The following AOPEP variants were observed in gnomAD, a reference collection of about 807,000 sequenced individuals.
The protein encoded by AOPEP is aminopeptidase O (putative).
AOPEP carries 77 observed loss-of-function variants against 98.1 expected under a neutral mutation model. That is an observed-to-expected ratio of 0.78 (90% CI 0.65 to 0.95). The LOEUF is 0.95. Ranked by LOEUF, AOPEP falls within the 40% of genes least tolerant of loss-of-function variation. The pLI, the probability that AOPEP is intolerant of heterozygous loss-of-function variation, is 0.00. For synonymous variants in AOPEP, 346 were observed against 365.3 expected (o/e 0.95, Z 0.60); for missense variants, 1,024 against 1,024.7 (o/e 1.00, Z 0.01).
intron 5 of AOPEP, among the ~76,000 whole-genome samples, chr9:94,825,325 C>T (rs555196193): frequency 1.3e-5 from 2 of 152,220 alleles, no homozygotes; most frequent in African/African-American, 2.4e-5. Flanking sequence ...TCTTTACTTA[C>T]GAAGGCTGGG....
chr9:95,047,654 C>T (rs1225007784), intron 13 of AOPEP, among the ~76,000 whole-genome samples: 3 of 152,282 alleles, frequency 2.0e-5, no homozygotes, highest in Non-Finnish European at 1.5e-5. Flanking sequence ...ATACCTACCT[C>T]TCACTTATTC....
At chr9:94,730,300 A>G (rs1255911937) in intron 1 of AOPEP, among the ~76,000 whole-genome samples, 3 of 151,898 alleles carry the variant, frequency 2.0e-5, no homozygotes, top group African/African-American at 7.3e-5. Flanking sequence ...AAAAAAAAAA[A>G]AAGTCAAGAA....
At chr9:94,803,860 T>C (rs1848687120) in intron 5 of AOPEP, among the ~76,000 whole-genome samples, 1 of 152,174 alleles carries the variant, frequency 6.6e-6, no homozygotes, top group East Asian at 1.9e-4. Flanking sequence ...AGTGGGTGTG[T>C]GTGGGCTTTC....
At chr9:94,970,795 A>G (rs1238126669) in intron 10 of AOPEP, among the ~76,000 whole-genome samples, 1 of 151,932 alleles carries the variant, frequency 6.6e-6, no homozygotes, top group Non-Finnish European at 1.5e-5. Context: ...CCTGCAGGAT[A>G]TATTTTTTCC....
At chr9:94,908,485 G>T (rs1289993939) in intron 5 of AOPEP, among the ~76,000 whole-genome samples, 2 of 152,200 alleles carry the variant, frequency 1.3e-5, no homozygotes, top group Non-Finnish European at 2.9e-5. Flanking sequence ...TAAGAAGTGG[G>T]GAAGGGAAAA....
chr9:95,039,276 G>A (rs1278065257), intron 13 of AOPEP, among the ~76,000 whole-genome samples: 8 of 152,128 alleles, frequency 5.3e-5, no homozygotes, highest in Admixed American at 5.2e-4. Context: ...TTTAAAAACT[G>A]AAATTGTTGG....
At chr9:95,126,203 T>C in the AOPEP span, among the ~76,000 whole-genome samples, 1 of 152,218 alleles carries the variant, frequency 6.6e-6, no homozygotes. Flanking sequence ...AGGGAGTATA[T>C]TGCTACCCTT....
intron 5 of AOPEP, among the ~76,000 whole-genome samples, chr9:94,890,174 C>A (rs12685907): frequency 6.6e-6 from 1 of 151,332 alleles, no homozygotes; most frequent in African/African-American, 2.4e-5. Flanking sequence ...ACTACAGGTG[C>A]GCACCACTAT....
At chr9:94,964,005 G>T (rs1377704907) in intron 9 of AOPEP, among the ~76,000 whole-genome samples, 1 of 152,236 alleles carries the variant, frequency 6.6e-6, no homozygotes, top group Non-Finnish European at 1.5e-5. Flanking sequence ...AGTAAGAAGG[G>T]CCAGTGGGTT....
chr9:94,799,280 T>C (rs1847703445), intron 4 of AOPEP, among the ~76,000 whole-genome samples: 1 of 152,122 alleles, frequency 6.6e-6, no homozygotes, highest in African/African-American at 2.4e-5. Context: ...ATTGGCTGGG[T>C]GCAGTGGCTC....
chr9:94,890,153 G>A lies in AOPEP; in HGVS notation c.1365-33833G>A, dbSNP rs537397761. ...AGCAATTCTCCTGCCTCAGCCTCCC[G>A]AGTAGCTGGGACTACAGGTGCGCAC... On this transcript the variant is annotated intron_variant, in intron 5 of 16. Transcript: ENST00000375315. Among the ~76,000 whole-genome samples, 5 of 147,762 alleles carry A rather than the reference G, an allele frequency of 3.4e-5. No homozygotes were observed. The South Asian group carries it at 6.6e-4, about 19-fold the overall frequency.
chr9:94,796,066 G>T (rs1045605619), intron 4 of AOPEP, among the ~76,000 whole-genome samples: 5 of 152,126 alleles, frequency 3.3e-5, no homozygotes, highest in Non-Finnish European at 5.9e-5. Flanking sequence ...CTGACACATG[G>T]CAGGGGCAGG....
intron 14 of AOPEP, among the ~76,000 whole-genome samples, chr9:95,080,354 C>T (rs1269964418): frequency 6.6e-6 from 1 of 152,000 alleles, no homozygotes; most frequent in East Asian, 1.9e-4. Context: ...AGTGAAACCC[C>T]GTCTCTACAA....
In AOPEP at chr9:94,789,073, C is replaced by G. The variant is rs541922642; in HGVS notation, c.965-3692C>G. Among the ~76,000 whole-genome samples, 3 of 152,318 alleles carry G rather than the reference C, an allele frequency of 2.0e-5. No homozygotes were observed. In the East Asian group the frequency reaches 5.8e-4, roughly 29 times the overall value. ...AAAATGAGGTGGGTCTTATCTTTCC[C>G]TACTGCCAACTTAGGATTCAGGTCT... On this transcript the variant is annotated intron_variant, in intron 3 of 16. Coordinates refer to ENST00000375315, the MANE Select transcript of AOPEP (RefSeq NM_001193329.3).
At chr9:94,873,966 C>T (rs1013719432) in intron 5 of AOPEP, among the ~76,000 whole-genome samples, 2 of 151,918 alleles carry the variant, frequency 1.3e-5, no homozygotes, top group Non-Finnish European at 2.9e-5. Context: ...GAGTACATTC[C>T]TTTTTGTGTA....
intron 6 of AOPEP, among the ~76,000 whole-genome samples, chr9:94,927,843 G>C (rs2054594266): frequency 6.6e-6 from 1 of 152,196 alleles, no homozygotes; most frequent in African/African-American, 2.4e-5. Flanking sequence ...CCTCACAGAG[G>C]TCGGGGCCGT....
downstream of AOPEP, among the ~76,000 whole-genome samples, chr9:95,091,390 C>G (rs2134352563): frequency 6.6e-6 from 1 of 152,300 alleles, no homozygotes; most frequent in South Asian, 2.1e-4. Context: ...GGGGTGCTGC[C>G]TGGCACTTTG....
At chr9:95,068,915 G>A (rs905078132) in intron 14 of AOPEP, among the ~76,000 whole-genome samples, 1 of 152,058 alleles carries the variant, frequency 6.6e-6, no homozygotes, top group Non-Finnish European at 1.5e-5. Flanking sequence ...TTGAGTGGTG[G>A]GTTTCTTTTC....
At chr9:95,071,427 A>G (rs1050873492) in intron 14 of AOPEP, among the ~76,000 whole-genome samples, 1 of 152,276 alleles carries the variant, frequency 6.6e-6, no homozygotes, top group South Asian at 2.1e-4. Flanking sequence ...AATGGCTAGA[A>G]TTTCATGTAC....
Sources: allele counts gnomAD v4.1 joint callset (sites outside exome capture counted in the v4.1 genomes callset), GRCh38; gene constraint gnomAD v4.1.1; transcripts MANE v1.5; gene names NCBI Gene and HGNC (gene_info 2026-07-23, HGNC 2026-07-21).